Variants in FBXL20 observed in about 807,000 individuals in gnomAD.
FBXL20 encodes F-box/LRR-repeat protein 20.
Under a neutral mutation model 64.0 loss-of-function variants are expected in FBXL20, and 11 were observed. The observed-to-expected ratio is 0.17, with a 90% CI of 0.11 to 0.28. The LOEUF (loss-of-function observed/expected upper bound fraction) is 0.28. FBXL20 is among the 10% of genes least tolerant of loss of function. The probability of loss-of-function intolerance (pLI) is 1.00; values close to 1 mark genes in which losing one functional copy is unlikely to be tolerated. For synonymous variants in FBXL20, 184 were observed against 189.0 expected (o/e 0.97, Z 0.22); for missense variants, 303 against 526.2 (o/e 0.58, Z 4.15).
Position 39,270,790 on chromosome 17 carries a change from A to G in FBXL20, c.888+6T>C. The G allele has an allele frequency of 1.2e-6, 2 of 1,606,890 alleles. No individual in the cohort carries two copies. The highest frequency in any genetic ancestry group is 1.7e-6 in the Non-Finnish European group (2 of 1,177,288). On this transcript the variant is annotated splice_donor_region_variant and intron_variant, in intron 11 of 14. Transcript: ENST00000264658. ...CAAACCTATGGAACCTAAAGAAAAT[A>G]CTTACCCTGGCTAGAGTGGTAAAGC...
At position 39,401,448 on chromosome 17, in the gene FBXL20, T is replaced by C. The variant is rs1159126232; in HGVS notation, c.-46A>G. ...GGGCCGGGCGCTGCGGCGAGCGGAG[T>C]GCACAGACCGGGGGCCCAGGACAGG... is the stretch of plus-strand genomic sequence containing the variant. On this transcript the variant is annotated 5_prime_UTR_variant, in exon 1 of 15. Transcript: ENST00000264658. The C allele has an allele frequency of 6.4e-7, 1 of 1,556,206 alleles. No individual in the cohort carries two copies. The highest frequency in any genetic ancestry group is 1.2e-5 in the South Asian group (1 of 85,446).
intron 1 of FBXL20, among the ~76,000 whole-genome samples, chr17:39,396,900 T>A (rs2048189327): frequency 6.8e-6 from 1 of 148,064 alleles, no homozygotes; most frequent in Non-Finnish European, 1.5e-5. Context: ...GAGTTTGCAG[T>A]GAGCTGACAT....
At chr17:39,343,863 TTTTTGTTTGTTTG>T (rs1411968413) in intron 1 of FBXL20, among the ~76,000 whole-genome samples, 2 of 151,830 alleles carry the variant, frequency 1.3e-5, no homozygotes, top group African/African-American at 4.8e-5. Context: ...GCCCGGCTAA[TTTTTGTTTGTTTG>T]TTTTTGAGAC....
intron 5 of FBXL20, among the ~76,000 whole-genome samples, chr17:39,297,746 T>C (rs582176): frequency 0.23 from 34,220 of 151,976 alleles, 4,553 homozygotes; most frequent in African/African-American, 0.37. Context: ...GGCCATGATT[T>C]TTCTTTTGAG....
At chr17:39,272,744 A>AAGAAAGAAAGAAAGAAAGAAAGAG (rs370181866) in intron 10 of FBXL20, among the ~76,000 whole-genome samples, 1 of 150,654 alleles carries the variant, frequency 6.6e-6, no homozygotes, top group African/African-American at 2.5e-5. Context: ...GAAAGAAAGA[A>AAGAAAGAAAGAAAGAAAGAAAGAG]AAAGAAAGAA....
chr17:39,292,091 C>T (rs1458496531), intron 6 of FBXL20, among the ~76,000 whole-genome samples: 2 of 150,746 alleles, frequency 1.3e-5, no homozygotes, highest in East Asian at 1.9e-4. Flanking sequence ...TATTCTGATG[C>T]TTTTTGGTGT....
chr17:39,379,644 G>C (rs1017528016), intron 1 of FBXL20, among the ~76,000 whole-genome samples: 15 of 151,754 alleles, frequency 9.9e-5, no homozygotes, highest in African/African-American at 3.4e-4. Flanking sequence ...AGCTGGGCGT[G>C]GTGGTACCCA....
Position 39,286,649 on chromosome 17 carries a change from T to G in FBXL20, c.399-1076A>C, listed in dbSNP as rs2046990561. 3.3e-5 allele frequency among the ~76,000 whole-genome samples: 5 copies of G among 151,980 alleles called. 1 individual carries two copies. In the South Asian group the frequency reaches 1.0e-3, roughly 32 times the overall value. On this transcript the variant is annotated intron_variant, in intron 6 of 14. Coordinates refer to ENST00000264658, the MANE Select transcript of FBXL20 (RefSeq NM_032875.3). ...CCCTGTCTCTACTAAAAATACAAAA[T>G]TAGCTGAGCGTGGTGGCACATGCCT...
In FBXL20 at chr17:39,337,018, G is replaced by A. The variant is rs893025516; in HGVS notation, c.104+6162C>T. ...GTCTTCCTCTCCCTCTCTTTCCACC[G>A]TCTCCCTCTGATGCTGAGCCGAAGC... On this transcript the variant is annotated intron_variant, in intron 2 of 14. Coordinates refer to ENST00000264658, the MANE Select transcript of FBXL20 (RefSeq NM_032875.3). Among the ~76,000 whole-genome samples, 13 of 149,864 alleles carry A rather than the reference G, an allele frequency of 8.7e-5. No individual in the cohort carries two copies. The East Asian group carries it at 1.4e-3, about 16-fold the overall frequency.
In FBXL20 at chr17:39,274,981, G is replaced by A. The variant is rs1294923528; in HGVS notation, c.816C>T (p.Cys272=). The A allele has an allele frequency of 1.2e-6, 2 of 1,613,020 alleles. No individual in the cohort carries two copies. Among genetic ancestry groups the A allele is most frequent in the East Asian group, 2.2e-5 (1 of 44,866 alleles). ...DAILNALGQN[C]PRLRILEVAR... ...CAAGAAATGTTTACCTAAGCCGTGG[G>A]CAGTTCTGACCTAGAGCATTCAGGA... is the stretch of plus-strand genomic sequence containing the variant. Residue 272 remains cysteine (C), a synonymous_variant, in exon 10 of 15, where the codon TGC becomes TGT. Transcript: ENST00000264658.
At chr17:39,380,608 CCT>C (rs1214874909) in intron 1 of FBXL20, among the ~76,000 whole-genome samples, 105 of 152,296 alleles carry the variant, frequency 6.9e-4, no homozygotes, top group African/African-American at 2.4e-3. Context: ...TCCCTTCCCC[CCT>C]TTCCTGCCCT....
intron 7 of FBXL20, among the ~76,000 whole-genome samples, chr17:39,283,414 T>C (rs928537736): frequency 6.6e-6 from 1 of 152,154 alleles, no homozygotes; most frequent in Non-Finnish European, 1.5e-5. Context: ...GTTTGGGATT[T>C]TGAAGCATTT....
At chr17:39,316,809 G>A (rs1178916956) in intron 2 of FBXL20, among the ~76,000 whole-genome samples, 5 of 152,192 alleles carry the variant, frequency 3.3e-5, no homozygotes, top group African/African-American at 1.2e-4. Flanking sequence ...CCAACATGGC[G>A]AAAGCCCGTC....
intron 2 of FBXL20, among the ~76,000 whole-genome samples, chr17:39,306,608 G>T (rs2047185681): frequency 6.6e-6 from 1 of 152,044 alleles, no homozygotes; most frequent in Admixed American, 6.6e-5. Context: ...CTATTCCATT[G>T]GTCTATGTCT....
intron 2 of FBXL20, among the ~76,000 whole-genome samples, chr17:39,322,518 G>A (rs1384536494): frequency 3.3e-5 from 5 of 152,006 alleles, no homozygotes. Flanking sequence ...TAAATACTAA[G>A]ATTGAGAAGT....
Position 39,341,982 on chromosome 17 carries a change from C to T in FBXL20, c.104+1198G>A, listed in dbSNP as rs539548388. Among the ~76,000 whole-genome samples, 5 of 152,272 alleles carry T rather than the reference C, an allele frequency of 3.3e-5. No homozygotes were observed. In the South Asian group the frequency reaches 1.0e-3, roughly 32 times the overall value. On this transcript the variant is annotated intron_variant, in intron 2 of 14. Coordinates refer to ENST00000264658, the MANE Select transcript of FBXL20 (RefSeq NM_032875.3). Reference sequence around the variant, plus strand: ...TCTAAAGAATTTCAGGAAATGTTATCTCTTGGATGGATTTACTGAACAGCC... The same window carrying T: ...TCTAAAGAATTTCAGGAAATGTTATTTCTTGGATGGATTTACTGAACAGCC...
At chr17:39,383,382 A>C (rs2048045501) in intron 1 of FBXL20, among the ~76,000 whole-genome samples, 1 of 151,986 alleles carries the variant, frequency 6.6e-6, no homozygotes, top group South Asian at 2.1e-4. Context: ...ACATTTTGGA[A>C]GGCTGAGGTG....
rs943969194 is a variant in FBXL20, at chr17:39,299,413, T to A, written c.235-329A>T. On this transcript the variant is annotated intron_variant, in intron 4 of 14. Transcript: ENST00000264658. ...AGCTACTGAAAGACAGCAACTACATTATTTTTTTGTATCTTTTCCAAAATG... is the reference window on the plus strand; with the variant it reads ...AGCTACTGAAAGACAGCAACTACATAATTTTTTTGTATCTTTTCCAAAATG... Among the ~76,000 whole-genome samples, 2 of 152,212 alleles carry A rather than the reference T, an allele frequency of 1.3e-5. 1 individual carries two copies. Among genetic ancestry groups the A allele is most frequent in the South Asian group, 4.1e-4 (2 of 4,838 alleles).
chr17:39,294,926 G>A (rs183337817), intron 6 of FBXL20, among the ~76,000 whole-genome samples: 27 of 152,256 alleles, frequency 1.8e-4, no homozygotes, highest in African/African-American at 6.3e-4. Flanking sequence ...CTGAGATTGT[G>A]CCACTGCACT....
Sources: allele counts gnomAD v4.1 joint callset (sites outside exome capture counted in the v4.1 genomes callset), GRCh38; gene constraint gnomAD v4.1.1; transcripts MANE v1.5; gene names NCBI Gene and HGNC (gene_info 2026-07-23, HGNC 2026-07-21).